The following TENM3 variants were observed in gnomAD, a reference collection of about 807,000 sequenced individuals.
TENM3 encodes teneurin transmembrane protein 3.
TENM3 carries 63 observed loss-of-function variants against 255.1 expected under a neutral mutation model. The observed-to-expected ratio is 0.25, with a 90% CI of 0.20 to 0.30. The LOEUF (loss-of-function observed/expected upper bound fraction) is 0.30, where lower values mean the gene tolerates loss of function less well. TENM3 is among the 10% of genes least tolerant of loss of function. The probability of loss-of-function intolerance (pLI) is 1.00; values close to 1 mark genes in which losing one functional copy is unlikely to be tolerated. For synonymous variants in TENM3, 1,306 were observed against 1,322.3 expected, an observed-to-expected ratio of 0.99 and a Z score of 0.27; for missense variants, 2,929 against 3,461.1, an observed-to-expected ratio of 0.85 and a Z score of 3.86.
At chr4:182,592,130 T>TC (rs199663866) in intron 3 of TENM3, among the ~76,000 whole-genome samples, 2 of 44,836 alleles carry the variant, frequency 4.5e-5, no homozygotes, top group Admixed American at 2.1e-4. Context: ...CTTTTCTTCT[T>TC]TTTTTTTTTT....
At chr4:182,498,038 T>A (rs902658287) in intron 3 of TENM3, among the ~76,000 whole-genome samples, 5 of 152,044 alleles carry the variant, frequency 3.3e-5, no homozygotes, top group African/African-American at 1.2e-4. Flanking sequence ...AGAAGGTGAT[T>A]TGGGGCATCA....
the TENM3 span, among the ~76,000 whole-genome samples, chr4:181,493,969 T>C: frequency 1.3e-5 from 2 of 152,096 alleles, no homozygotes; most frequent in Non-Finnish European, 2.9e-5. Context: ...GGCAGTATCA[T>C]ATAGGGCTAG....
chr4:181,751,408 T>G, the TENM3 span, among the ~76,000 whole-genome samples: 1 of 121,506 alleles, frequency 8.2e-6, no homozygotes, highest in Non-Finnish European at 1.7e-5. Flanking sequence ...ACTACAGCCT[T>G]CCAAAGGAAA....
At chr4:181,983,203 T>C in the TENM3 span, among the ~76,000 whole-genome samples, 3 of 152,160 alleles carry the variant, frequency 2.0e-5, no homozygotes, top group Non-Finnish European at 4.4e-5. Context: ...AGCACCTGCG[T>C]AGGTATTAAT....
the TENM3 span, among the ~76,000 whole-genome samples, chr4:181,888,559 T>C: frequency 0.011 from 1,083 of 101,396 alleles, 40 homozygotes; most frequent in Admixed American, 0.019. Flanking sequence ...TGTATATATA[T>C]ACATATATGT....
chr4:182,754,845 T>G lies in TENM3; in HGVS notation c.4478T>G (p.Ile1493Ser), dbSNP rs751152275. ...CTGTATATTGCAGATCTAGGGAATATCCGGATCCGGGCTGTGTCAAAGAAT... is the reference window on the plus strand; with the variant it reads ...CTGTATATTGCAGATCTAGGGAATAGCCGGATCCGGGCTGTGTCAAAGAAT... ...GTLYIADLGN[I>S]RIRAVSKNKP... The change falls in exon 22 of 28, where the codon ATC becomes AGC. Residue 1493 changes from isoleucine to serine, a missense_variant. Physicochemically the swap from Ile to Ser is moderately radical, Grantham distance 142. Coordinates refer to ENST00000511685, the MANE Select transcript of TENM3 (RefSeq NM_001080477.4). This position sits in a 1 kb window ranked among gnomAD's most constrained non-coding sequence, Gnocchi z 5.1. 1 of 1,614,038 alleles carries G rather than the reference T, an allele frequency of 6.2e-7. No homozygotes were observed. The highest frequency in any genetic ancestry group is 8.5e-7 in the Non-Finnish European group (1 of 1,179,908).
intron 3 of TENM3, among the ~76,000 whole-genome samples, chr4:182,378,002 G>A (rs776738119): frequency 3.9e-5 from 6 of 152,232 alleles, no homozygotes; most frequent in African/African-American, 7.2e-5. Flanking sequence ...GGATGTCCAC[G>A]ATGCTCACTG....
intron 4 of TENM3, among the ~76,000 whole-genome samples, chr4:182,618,905 G>GA (rs1242174577): frequency 6.6e-6 from 1 of 152,050 alleles, no homozygotes; most frequent in African/African-American, 2.4e-5. Flanking sequence ...TGCTATAAAG[G>GA]AAAGACTGCA....
chr4:181,992,251 C>G, the TENM3 span, among the ~76,000 whole-genome samples: 1 of 152,130 alleles, frequency 6.6e-6, no homozygotes, highest in African/African-American at 2.4e-5. Context: ...TGTATGGTGT[C>G]TTTACCCTTT....
intron 3 of TENM3, among the ~76,000 whole-genome samples, chr4:182,457,799 G>T (rs970000802): frequency 3.9e-5 from 6 of 152,154 alleles, no homozygotes; most frequent in Non-Finnish European, 8.8e-5. Flanking sequence ...CTTGGCTCAC[G>T]CAGTCCTCCT....
At chr4:181,617,752 C>T in the TENM3 span, among the ~76,000 whole-genome samples, 2 of 152,216 alleles carry the variant, frequency 1.3e-5, no homozygotes, top group African/African-American at 4.8e-5. Context: ...AGGAAAATTT[C>T]TCCTTATGCC....
intron 22 of TENM3, among the ~76,000 whole-genome samples, chr4:182,764,918 A>G (rs1763553403): frequency 1.3e-5 from 2 of 152,344 alleles, no homozygotes; most frequent in South Asian, 2.1e-4. Flanking sequence ...AGGAGGCAGT[A>G]GAGGTCAGTC....
intron 24 of TENM3, among the ~76,000 whole-genome samples, chr4:182,783,647 G>C (rs1262648374): frequency 1.3e-4 from 20 of 151,892 alleles, no homozygotes; most frequent in African/African-American, 3.4e-4. Context: ...ATCCTGCAGA[G>C]TGTTTTCCAA....
intron 16 of TENM3, among the ~76,000 whole-genome samples, chr4:182,732,271 G>A (rs1234545343): frequency 6.6e-6 from 1 of 152,004 alleles, no homozygotes; most frequent in Non-Finnish European, 1.5e-5. Context: ...GACTGACATT[G>A]TACCAAGTGC....
At chr4:182,404,225 A>G (rs1457616967) in intron 3 of TENM3, among the ~76,000 whole-genome samples, 1 of 152,190 alleles carries the variant, frequency 6.6e-6, no homozygotes, top group African/African-American at 2.4e-5. Context: ...CAGGAGGACT[A>G]TTAAATATAA....
the TENM3 span, among the ~76,000 whole-genome samples, chr4:181,517,777 A>G: frequency 6.6e-6 from 1 of 152,220 alleles, no homozygotes; most frequent in Non-Finnish European, 1.5e-5. Flanking sequence ...TTTGCAAGTG[A>G]TAATAGAAGA....
the TENM3 span, among the ~76,000 whole-genome samples, chr4:181,984,686 A>C: frequency 6.6e-6 from 1 of 152,074 alleles, no homozygotes; most frequent in Non-Finnish European, 1.5e-5. Context: ...ATAGAGTAAC[A>C]ATATTTGGAA....
chr4:181,593,336 G>A, the TENM3 span, among the ~76,000 whole-genome samples: 2 of 152,198 alleles, frequency 1.3e-5, no homozygotes. Context: ...GGAAATGAAC[G>A]TGGAGTGAAA....
intron 4 of TENM3, among the ~76,000 whole-genome samples, chr4:182,623,781 TC>T (rs1219994058): frequency 6.6e-6 from 1 of 152,170 alleles, no homozygotes; most frequent in African/African-American, 2.4e-5. Context: ...TTTCATGCTC[TC>T]TGTCTTTTCC....
Sources: gnomAD v4.1 joint callset for allele counts (sites outside exome capture counted in the v4.1 genomes callset) on GRCh38, gnomAD v4.1.1 for gene constraint, Gnocchi (gnomAD v3.1) non-coding constraint, MANE v1.5 for transcripts, NCBI Gene and HGNC (gene_info 2026-07-23, HGNC 2026-07-21) for gene names.